The following PAFAH1B1 variants were observed in gnomAD, a reference collection of about 807,000 sequenced individuals.
PAFAH1B1 encodes the protein platelet activating factor acetylhydrolase 1b regulatory subunit 1.
In PAFAH1B1, 2 loss-of-function variants were observed where a neutral mutation model predicts 57.5. The ratio of observed to expected loss-of-function variants is 0.03; its 90% CI spans 0.01 to 0.11. The LOEUF is 0.11. PAFAH1B1 is among the 10% of genes least tolerant of loss of function. The pLI is 1.00. For missense variants in PAFAH1B1, 257 were observed against 512.0 expected (o/e 0.50, Z 4.81); for synonymous variants, 152 against 169.6 (o/e 0.90, Z 0.81).
In PAFAH1B1 at chr17:2,598,474, C is replaced by T. The variant is rs117981017; in HGVS notation, c.-191+4468C>T. 7.3e-3 allele frequency among the ~76,000 whole-genome samples: 1,108 copies of T among 151,740 alleles called. 14 individuals are homozygous for T. Among genetic ancestry groups the T allele is most frequent in the East Asian group, 0.042 (216 of 5,168 alleles). On this transcript the variant is annotated intron_variant, in intron 1 of 10. Transcript: ENST00000397195. Reference sequence around the variant, plus strand: ...TTACTTGCCTCTAAGTCCCTGTTAACGAAAATATTTCATTATGACAGGTAA... The same window carrying T: ...TTACTTGCCTCTAAGTCCCTGTTAATGAAAATATTTCATTATGACAGGTAA...
intron 1 of PAFAH1B1, among the ~76,000 whole-genome samples, chr17:2,602,925 C>T (rs1178264397): frequency 6.6e-6 from 1 of 152,202 alleles, no homozygotes; most frequent in Non-Finnish European, 1.5e-5. Flanking sequence ...CTTTCAGCCA[C>T]CGTACTGTGC....
chr17:2,657,378 G>A (rs2068950474), intron 2 of PAFAH1B1, among the ~76,000 whole-genome samples: 1 of 152,120 alleles, frequency 6.6e-6, no homozygotes, highest in East Asian at 1.9e-4. Flanking sequence ...CCAAGTAGCT[G>A]GGATTACAGG....
chr17:2,662,544 C>T (rs1192419876), intron 2 of PAFAH1B1, among the ~76,000 whole-genome samples: 1 of 151,742 alleles, frequency 6.6e-6, no homozygotes, highest in Non-Finnish European at 1.5e-5. Flanking sequence ...GCTGGGATTA[C>T]AGGCTCCTGC....
intron 1 of PAFAH1B1, among the ~76,000 whole-genome samples, chr17:2,635,870 C>T (rs937351983): frequency 6.6e-6 from 1 of 150,428 alleles, no homozygotes; most frequent in Non-Finnish European, 1.5e-5. Context: ...GGAGGCCAAG[C>T]CAGGAGGATT....
chr17:2,625,887 A>G (rs1257620138), intron 1 of PAFAH1B1, among the ~76,000 whole-genome samples: 2 of 152,122 alleles, frequency 1.3e-5, no homozygotes, highest in African/African-American at 4.8e-5. Flanking sequence ...GCAGTGAGCT[A>G]TGATCGATCA....
In PAFAH1B1 at chr17:2,674,174, C is replaced by T. The variant is rs1380165918; in HGVS notation, c.786C>T (p.Val262=). Residue 262 remains valine, a synonymous_variant, in exon 8 of 11, where the codon GTC becomes GTT. Transcript: ENST00000397195. ...ATGACCAGACTGTGCGTGTATGGGT[C>T]GTAGCAACAAAGGAATGCAAGGCTG... ...CSNDQTVRVW[V]VATKECKAEL... is the part of the protein sequence containing the mutation. 9 of 1,613,926 alleles carry T rather than the reference C, an allele frequency of 5.6e-6. No individual in the cohort carries two copies. The highest frequency in any genetic ancestry group is 1.7e-4 in the Middle Eastern group (1 of 6,056).
At chr17:2,652,158 T>C (rs950912373) in intron 2 of PAFAH1B1, among the ~76,000 whole-genome samples, 2 of 36,846 alleles carry the variant, frequency 5.4e-5, no homozygotes, top group Non-Finnish European at 1.1e-4. Context: ...ACGCCTGTAA[T>C]CCCACACTTT....
At chr17:2,668,512 C>T (rs2069138176) in intron 5 of PAFAH1B1, among the ~76,000 whole-genome samples, 1 of 151,846 alleles carries the variant, frequency 6.6e-6, no homozygotes. Flanking sequence ...CATAGCAAGA[C>T]CTCGTCTCTA....
Position 2,673,956 on chromosome 17 carries a change from A to G in PAFAH1B1, c.672-104A>G, listed in dbSNP as rs535070329. On this transcript the variant is annotated intron_variant, in intron 7 of 10. Transcript: ENST00000397195. ...ATTTATTCTGTCGACTTGCATCTCT[A>G]ACTTGGTACCATTCTCTTCATCCCA... The G allele has an allele frequency of 3.8e-6, 3 of 793,386 alleles. No individual in the cohort carries two copies. The East Asian group carries it at 8.0e-5, about 21-fold the overall frequency. 49.1% of individuals were successfully genotyped at this position (793,386 alleles called of 1,614,324 possible). A position where few individuals can be genotyped will look rare whatever the true frequency, so the allele number is the denominator to read the frequency against.
intron 1 of PAFAH1B1, among the ~76,000 whole-genome samples, chr17:2,623,839 A>G (rs1391040339): frequency 2.0e-5 from 3 of 150,318 alleles, no homozygotes; most frequent in East Asian, 1.9e-4. Context: ...GGGTTTCACC[A>G]TGTTGGCCAG....
chr17:2,615,893 G>A (rs115359162), intron 1 of PAFAH1B1, among the ~76,000 whole-genome samples: 134 of 152,274 alleles, frequency 8.8e-4, no homozygotes, highest in African/African-American at 3.1e-3. Context: ...AAATCCAGGA[G>A]GTGATAAGGT....
At chr17:2,652,328 T>C (rs560848583) in intron 2 of PAFAH1B1, among the ~76,000 whole-genome samples, 114 of 152,174 alleles carry the variant, frequency 7.5e-4, no homozygotes, top group African/African-American at 2.5e-3. Flanking sequence ...GGCAGGAGAA[T>C]GGCGTGAACC....
chr17:2,614,798 G>T (rs2068317036), intron 1 of PAFAH1B1, among the ~76,000 whole-genome samples: 1 of 151,698 alleles, frequency 6.6e-6, no homozygotes, highest in Non-Finnish European at 1.5e-5. Context: ...GCGTTGCCCA[G>T]GCCGGTGTTA....
At chr17:2,625,579 G>A (rs140157730) in intron 1 of PAFAH1B1, among the ~76,000 whole-genome samples, 37 of 152,242 alleles carry the variant, frequency 2.4e-4, no homozygotes, top group African/African-American at 7.7e-4. Flanking sequence ...TAGATTGTTC[G>A]TTGCAAAATA....
intron 7 of PAFAH1B1, chr17:2,673,856 G>T: frequency 3.6e-6 from 2 of 558,102 alleles, no homozygotes; most frequent in Non-Finnish European, 3.2e-6. Flanking sequence ...TTATCTTCTA[G>T]ATGTTGATTT....
intron 4 of PAFAH1B1, among the ~76,000 whole-genome samples, chr17:2,666,390 C>T (rs2151660378): frequency 6.6e-6 from 1 of 152,174 alleles, no homozygotes; most frequent in East Asian, 1.9e-4. Flanking sequence ...GTGATTAATG[C>T]TGGGAAAAGA....
chr17:2,645,547 C>T (rs1352454944), intron 2 of PAFAH1B1, among the ~76,000 whole-genome samples: 5 of 149,994 alleles, frequency 3.3e-5, no homozygotes, highest in East Asian at 2.0e-4. Context: ...GAGCCGAGAT[C>T]GCACCACTGC....
chr17:2,593,575 T>A (rs556702074), upstream of PAFAH1B1, among the ~76,000 whole-genome samples: 522 of 147,138 alleles, frequency 3.5e-3, 2 homozygotes, highest in African/African-American at 0.012. Context: ...CCCCTCCCTC[T>A]TCCTGGCGGG....
chr17:2,605,379 A>G (rs1416003893), intron 1 of PAFAH1B1, among the ~76,000 whole-genome samples: 2 of 152,218 alleles, frequency 1.3e-5, no homozygotes, highest in African/African-American at 4.8e-5. Context: ...CACAATTTTC[A>G]AGTCACTTTG....
Sources: gnomAD v4.1 joint callset for allele counts (sites outside exome capture counted in the v4.1 genomes callset) on GRCh38, gnomAD v4.1.1 for gene constraint, MANE v1.5 for transcripts, NCBI Gene and HGNC (gene_info 2026-07-23, HGNC 2026-07-21) for gene names.